DCDC1: variants seen among roughly 807,000 people sequenced by gnomAD.
DCDC1 encodes doublecortin domain-containing protein 1.
Under a neutral mutation model 178.3 loss-of-function variants are expected in DCDC1, and 200 were observed. The observed-to-expected ratio is 1.12, with a 90% confidence interval of 1.00 to 1.26. The LOEUF (loss-of-function observed/expected upper bound fraction) is 1.26. Ranked by LOEUF, DCDC1 falls within the 50% of genes most tolerant of loss-of-function variation. The pLI, the probability that DCDC1 is intolerant of heterozygous loss-of-function variation, is 0.00. For missense variants in DCDC1, 1,983 were observed against 1,749.2 expected (o/e 1.13, Z -2.38); for synonymous variants, 690 against 604.8 (o/e 1.14, Z -2.07).
chr11:31,327,991 A>T, intron 3 of DCDC1, 126 bp downstream of exon 3: 11 of 951,094 alleles, frequency 1.2e-5, no homozygotes, highest in Non-Finnish European at 1.5e-5. Context: ...CGGCCTCCCA[A>T]AGTGCTGGGA....
chr11:30,987,345 C>A (rs1950711873), intron 20 of DCDC1, among the ~76,000 whole-genome samples: 1 of 152,086 alleles, frequency 6.6e-6, no homozygotes, highest in African/African-American at 2.4e-5. Flanking sequence ...GGAGAGAAAA[C>A]CACAAATGAA....
At position 31,290,830 on chromosome 11, in the gene DCDC1, T is replaced by C; in HGVS notation, c.777A>G (p.Lys259=). The stretch of plus-strand genomic sequence containing the variant: ...TCAACCCATTCATTGTCCAAGTTAC[T>C]TTCTTAATTAACAACAGATGGTCTA... ...KIKDHLLLIK[K]VTWTMNGLML... Residue 259 remains lysine (K), a synonymous_variant, in exon 7 of 39, where the codon AAA becomes AAG. Transcript: ENST00000684477. 1 of 1,612,198 alleles carries C rather than the reference T, an allele frequency of 6.2e-7. No homozygotes were observed. Among genetic ancestry groups the C allele is most frequent in the East Asian group, 2.2e-5 (1 of 44,824 alleles).
At chr11:30,993,199 G>A (rs1951081949) in intron 20 of DCDC1, among the ~76,000 whole-genome samples, 3 of 151,984 alleles carry the variant, frequency 2.0e-5, no homozygotes, top group Admixed American at 2.0e-4. Flanking sequence ...GGATCAAAGA[G>A]GAAGTGTCAA....
chr11:31,134,092 G>A (rs992097942), intron 10 of DCDC1, among the ~76,000 whole-genome samples: 4 of 152,138 alleles, frequency 2.6e-5, no homozygotes, highest in Non-Finnish European at 4.4e-5. Context: ...TCAGCCAGAG[G>A]TACCTTATGT....
At chr11:30,868,604 A>G (rs987502652) in intron 38 of DCDC1, among the ~76,000 whole-genome samples, 2 of 152,064 alleles carry the variant, frequency 1.3e-5, no homozygotes, top group Non-Finnish European at 2.9e-5. Context: ...TGCAGCACCC[A>G]GGAGCTCCTG....
At chr11:31,203,857 G>A (rs1971577185) in intron 9 of DCDC1, among the ~76,000 whole-genome samples, 1 of 151,926 alleles carries the variant, frequency 6.6e-6, no homozygotes, top group Admixed American at 6.6e-5. Context: ...TTGACCCCAT[G>A]CAACAAAACA....
At chr11:31,167,855 G>A (rs1382946213) in intron 9 of DCDC1, among the ~76,000 whole-genome samples, 1 of 152,104 alleles carries the variant, frequency 6.6e-6, no homozygotes, top group Non-Finnish European at 1.5e-5. Flanking sequence ...ACTACTATGG[G>A]TGATGCATAG....
intron 8 of DCDC1, among the ~76,000 whole-genome samples, chr11:31,252,947 C>T (rs760416265): frequency 2.0e-5 from 3 of 151,984 alleles, no homozygotes; most frequent in Non-Finnish European, 4.4e-5. Context: ...CCTTCTGATG[C>T]TGAGATCAAA....
chr11:30,979,933 C>T (rs1489163827), intron 20 of DCDC1, among the ~76,000 whole-genome samples: 5 of 152,122 alleles, frequency 3.3e-5, no homozygotes, highest in Admixed American at 2.6e-4. Flanking sequence ...ATAGCAATTT[C>T]CCAAAGTTTC....
chr11:31,084,057 A>T (rs1957341176), intron 17 of DCDC1, among the ~76,000 whole-genome samples: 1 of 152,222 alleles, frequency 6.6e-6, no homozygotes, highest in African/African-American at 2.4e-5. Flanking sequence ...ATCCATTAAC[A>T]GTCAGATGCA....
At chr11:31,327,533 C>T (rs1039757157) in intron 3 of DCDC1, among the ~76,000 whole-genome samples, 1 of 152,078 alleles carries the variant, frequency 6.6e-6, no homozygotes, top group Non-Finnish European at 1.5e-5. Flanking sequence ...TGGTGACTGG[C>T]ACCTAACAAG....
chr11:31,091,161 T>G (rs1206876011), intron 17 of DCDC1, among the ~76,000 whole-genome samples: 6 of 152,218 alleles, frequency 3.9e-5, no homozygotes, highest in Non-Finnish European at 8.8e-5. Flanking sequence ...ACGACATAGA[T>G]ACATGTTGAA....
chr11:31,020,725 C>T (rs889890879), intron 20 of DCDC1, among the ~76,000 whole-genome samples: 2 of 152,128 alleles, frequency 1.3e-5, no homozygotes, highest in African/African-American at 4.8e-5. Flanking sequence ...GCATGAGCCA[C>T]CGCACTTCTC....
intron 9 of DCDC1, among the ~76,000 whole-genome samples, chr11:31,142,130 AG>A (rs1210026294): frequency 6.6e-6 from 1 of 152,226 alleles, no homozygotes; most frequent in African/African-American, 2.4e-5. Context: ...GAGTGGGGGA[AG>A]CCACTATTTG....
intron 3 of DCDC1, among the ~76,000 whole-genome samples, chr11:31,319,193 G>A (rs1325933370): frequency 1.2e-4 from 2 of 16,220 alleles, no homozygotes; most frequent in Non-Finnish European, 2.1e-4. Context: ...GCAGAGCTGA[G>A]TTCAATTCCT....
At chr11:31,202,074 T>C (rs1197286341) in intron 9 of DCDC1, among the ~76,000 whole-genome samples, 6 of 152,206 alleles carry the variant, frequency 3.9e-5, no homozygotes, top group African/African-American at 1.4e-4. Flanking sequence ...TCCTCCATAG[T>C]GCACTGCAGT....
At chr11:31,213,109 C>A (rs182289890) in intron 9 of DCDC1, among the ~76,000 whole-genome samples, 1 of 33,688 alleles carries the variant, frequency 3.0e-5, no homozygotes, top group Admixed American at 2.4e-4. Flanking sequence ...GCCTCTCTCT[C>A]TCTCTCTCTC....
Position 31,290,608 on chromosome 11 carries a change from G to C in DCDC1, c.960+39C>G, listed in dbSNP as rs746339656. On this transcript the variant is annotated intron_variant, in intron 7 of 38. Transcript: ENST00000684477. ...CACATTTCAACAGCCACAAAACTTT[G>C]AAATTAAATTCATAGTTCAATATTT... 2.6e-6 allele frequency: 4 copies of C among 1,548,940 alleles called. No individual in the cohort carries two copies. The African/African-American group carries it at 5.6e-5, about 22-fold the overall frequency.
At chr11:31,262,363 AC>A (rs2137079989) in intron 8 of DCDC1, among the ~76,000 whole-genome samples, 1 of 152,368 alleles carries the variant, frequency 6.6e-6, no homozygotes, top group East Asian at 1.9e-4. Flanking sequence ...TACTTGACAA[AC>A]TAAAAGTAGT....
Sources: allele counts gnomAD v4.1 joint callset (sites outside exome capture counted in the v4.1 genomes callset), GRCh38; gene constraint gnomAD v4.1.1; transcripts MANE v1.5; gene names NCBI Gene and HGNC (gene_info 2026-07-23, HGNC 2026-07-21).